Variants in LRRC8C observed in about 807,000 individuals in gnomAD.
The protein encoded by LRRC8C is leucine rich repeat containing 8 VRAC subunit C, also known as volume-regulated anion channel subunit LRRC8C.
Under a neutral mutation model 55.3 loss-of-function variants are expected in LRRC8C, and 20 were observed. The observed-to-expected ratio is 0.36, with a 90% CI of 0.25 to 0.53. The LOEUF (loss-of-function observed/expected upper bound fraction) is 0.53, where lower values mean the gene tolerates loss of function less well. Ranked by LOEUF, LRRC8C falls within the 20% of genes least tolerant of loss-of-function variation. The pLI, the probability that LRRC8C is intolerant of heterozygous loss-of-function variation, is 0.92. For synonymous variants in LRRC8C, 376 were observed against 360.7 expected (o/e 1.04, Z -0.48); for missense variants, 659 against 951.4 (o/e 0.69, Z 4.04).
intron 1 of LRRC8C, among the ~76,000 whole-genome samples, chr1:89,664,771 A>G (rs544900281): frequency 1.3e-5 from 2 of 152,328 alleles, no homozygotes; most frequent in South Asian, 2.1e-4. Flanking sequence ...CTTTCTATCC[A>G]TGAGCATGGA....
chr1:89,712,673 G>C, intron 2 of LRRC8C, 36 bp from the exon 3 acceptor site: 1 of 1,475,856 alleles, frequency 6.8e-7, no homozygotes, highest in Non-Finnish European at 9.4e-7. Flanking sequence ...AGCTCTTTGA[G>C]TAATATAATT....
intron 1 of LRRC8C, among the ~76,000 whole-genome samples, chr1:89,682,565 TG>T (rs1657749128): frequency 6.6e-6 from 1 of 152,236 alleles, no homozygotes; most frequent in African/African-American, 2.4e-5. Context: ...AATGCTAAGA[TG>T]TTTTTTGCCT....
chr1:89,718,371 G>C lies in LRRC8C; in HGVS notation c.*3389G>C, dbSNP rs1026381621. 4.6e-5 allele frequency: 7 copies of C among 152,086 alleles called. No homozygotes were observed. Among genetic ancestry groups the C allele is most frequent in the African/African-American group, 1.7e-4 (7 of 41,416 alleles). 9.4% of individuals were successfully genotyped at this position (152,086 alleles called of 1,614,324 possible). ...AGTTGTCTTTGTGGAGAGGGTCTTA[G>C]ACAAAAATCTTCCTTGTATTTACTT... On this transcript the variant is annotated 3_prime_UTR_variant, in exon 3 of 3. Coordinates refer to ENST00000370454, the MANE Select transcript of LRRC8C (RefSeq NM_032270.5).
intron 1 of LRRC8C, among the ~76,000 whole-genome samples, chr1:89,672,522 T>C (rs890953755): frequency 1.3e-5 from 2 of 152,200 alleles, no homozygotes; most frequent in African/African-American, 4.8e-5. Flanking sequence ...GTGCTAGGAA[T>C]ATAAAGCTTT....
chr1:89,664,207 G>C (rs984355662), intron 1 of LRRC8C, among the ~76,000 whole-genome samples: 1 of 152,130 alleles, frequency 6.6e-6, no homozygotes, highest in African/African-American at 2.4e-5. Context: ...TAGTCATGAA[G>C]TCTTTGCCCA....
chr1:89,623,585 G>T, the LRRC8C span, among the ~76,000 whole-genome samples: 4 of 152,186 alleles, frequency 2.6e-5, no homozygotes, highest in Non-Finnish European at 4.4e-5. Context: ...AGCCGGGCAT[G>T]GTGGCATGTG....
chr1:89,629,918 G>A (rs1656062117), upstream of LRRC8C: 2 of 152,242 alleles, frequency 1.3e-5, no homozygotes, highest in Admixed American at 1.3e-4. Flanking sequence ...CAGCACTTTG[G>A]GAGGCCAAGG....
chr1:89,662,083 G>A (rs980977656), intron 1 of LRRC8C, among the ~76,000 whole-genome samples: 5 of 152,160 alleles, frequency 3.3e-5, no homozygotes, highest in Non-Finnish European at 7.3e-5. Context: ...GCCTCCCTGG[G>A]ACACACTTGA....
At chr1:89,663,182 A>T (rs186518652) in intron 1 of LRRC8C, among the ~76,000 whole-genome samples, 1 of 152,306 alleles carries the variant, frequency 6.6e-6, no homozygotes, top group South Asian at 2.1e-4. Flanking sequence ...ATAGTATTCC[A>T]TGGTGTATAT....
chr1:89,632,974 G>A (rs1472404729), upstream of LRRC8C: 1 of 152,392 alleles, frequency 6.6e-6, no homozygotes, highest in Admixed American at 6.6e-5. Flanking sequence ...GCACCGCGGA[G>A]TCGACTCGGC....
At chr1:89,649,861 G>A (rs2101193758) in intron 1 of LRRC8C, among the ~76,000 whole-genome samples, 1 of 152,236 alleles carries the variant, frequency 6.6e-6, no homozygotes, top group East Asian at 1.9e-4. Flanking sequence ...AAATCACCCA[G>A]GCAGATTTCC....
the LRRC8C span, among the ~76,000 whole-genome samples, chr1:89,619,476 T>A: frequency 6.7e-6 from 1 of 149,776 alleles, no homozygotes; most frequent in Non-Finnish European, 1.5e-5. Context: ...AAACTTTTTA[T>A]ATAATAAATA....
intron 1 of LRRC8C, among the ~76,000 whole-genome samples, chr1:89,667,002 C>T (rs1251753191): frequency 6.6e-6 from 1 of 152,090 alleles, no homozygotes; most frequent in Non-Finnish European, 1.5e-5. Context: ...ATGGCATGCT[C>T]TTGCTTTTGG....
chr1:89,680,591 C>T (rs1355183297), intron 1 of LRRC8C, among the ~76,000 whole-genome samples: 1 of 140,304 alleles, frequency 7.1e-6, no homozygotes, highest in Non-Finnish European at 1.5e-5. Context: ...GATGGAGCCT[C>T]ACTCTGTCTC....
intron 2 of LRRC8C, among the ~76,000 whole-genome samples, chr1:89,710,258 T>C (rs1658612682): frequency 6.6e-6 from 1 of 152,186 alleles, no homozygotes; most frequent in African/African-American, 2.4e-5. Context: ...TCTTTTATGT[T>C]TCTTCAAGAT....
At chr1:89,674,978 A>AC (rs879406098) in intron 1 of LRRC8C, among the ~76,000 whole-genome samples, 1 of 152,160 alleles carries the variant, frequency 6.6e-6, no homozygotes, top group African/African-American at 2.4e-5. Flanking sequence ...TTTAAATTTT[A>AC]CCCCTATTTA....
chr1:89,682,431 T>G (rs1390148649), intron 1 of LRRC8C, among the ~76,000 whole-genome samples: 1 of 152,162 alleles, frequency 6.6e-6, no homozygotes, highest in Non-Finnish European at 1.5e-5. Context: ...AGGTCTTTGT[T>G]TTTTCAAAGG....
chr1:89,672,749 C>G (rs1373777620), intron 1 of LRRC8C, among the ~76,000 whole-genome samples: 1 of 152,110 alleles, frequency 6.6e-6, no homozygotes, highest in Non-Finnish European at 1.5e-5. Flanking sequence ...ACCAACTTAT[C>G]TTTCCACCAA....
At chr1:89,696,602 C>T (rs1445899519) in intron 2 of LRRC8C, among the ~76,000 whole-genome samples, 1 of 152,038 alleles carries the variant, frequency 6.6e-6, no homozygotes, top group Non-Finnish European at 1.5e-5. Flanking sequence ...CATCAACTTC[C>T]CAGAGAGAGG....
Sources: allele counts gnomAD v4.1 joint callset (sites outside exome capture counted in the v4.1 genomes callset), GRCh38; gene constraint gnomAD v4.1.1; transcripts MANE v1.5; gene names NCBI Gene and HGNC (gene_info 2026-07-23, HGNC 2026-07-21).